MALRD1: variants seen among roughly 807,000 people sequenced by gnomAD.
MALRD1 encodes MAM and LDL-receptor class A domain-containing protein 1.
Under a neutral mutation model 242.1 loss-of-function variants are expected in MALRD1, and 247 were observed. The observed-to-expected ratio is 1.02, with a 90% CI of 0.92 to 1.13. The LOEUF (loss-of-function observed/expected upper bound fraction) is 1.13, where lower values mean the gene tolerates loss of function less well. MALRD1 is among the 50% of genes most tolerant of loss of function. The probability of loss-of-function intolerance (pLI) is 0.00; values close to 1 mark genes in which losing one functional copy is unlikely to be tolerated. For synonymous variants in MALRD1, 995 were observed against 866.6 expected, an observed-to-expected ratio of 1.15 and a Z score of -2.60; for missense variants, 2,989 against 2,533.1, an observed-to-expected ratio of 1.18 and a Z score of -3.86.
In MALRD1 at chr10:19,171,612, A is replaced by ATGTC. The variant is rs1491266914; in HGVS notation, c.1831-3595_1831-3594insGTCT. On this transcript the variant is annotated intron_variant, in intron 13 of 39. Coordinates refer to ENST00000454679, the MANE Select transcript of MALRD1 (RefSeq NM_001142308.3). The stretch of plus-strand genomic sequence containing the variant: ...TGTGTGTATATAAATACACACACAC[A>ATGTC]TATATGTCTATGTGTGTATATAAAT... 9.9e-3 allele frequency among the ~76,000 whole-genome samples: 373 copies of ATGTC among 37,726 alleles called. 31 individuals are homozygous for ATGTC. Among genetic ancestry groups the ATGTC allele is most frequent in the African/African-American group, 0.039 (344 of 8,728 alleles). The allele number at this position is 37,726 out of a possible 152,430, so 24.7% of individuals were successfully genotyped here.
intron 29 of MALRD1, among the ~76,000 whole-genome samples, chr10:19,466,360 C>A (rs1836218257): frequency 6.6e-6 from 1 of 151,706 alleles, no homozygotes; most frequent in Non-Finnish European, 1.5e-5. Flanking sequence ...TTGCTTTTGC[C>A]TTTGTCATTA....
intron 20 of MALRD1, among the ~76,000 whole-genome samples, chr10:19,281,212 C>T (rs190225044): frequency 8.1e-5 from 12 of 147,722 alleles, no homozygotes; most frequent in African/African-American, 3.2e-4. Flanking sequence ...TTAACTCAAG[C>T]TAGCCAGGGA....
At chr10:19,410,608 A>C (rs1168157761) in intron 28 of MALRD1, among the ~76,000 whole-genome samples, 1 of 151,834 alleles carries the variant, frequency 6.6e-6, no homozygotes, top group Non-Finnish European at 1.5e-5. Flanking sequence ...AGGTAGACAG[A>C]AGCTAGTGAA....
intron 21 of MALRD1, among the ~76,000 whole-genome samples, chr10:19,321,187 C>T (rs574728349): frequency 1.3e-5 from 2 of 152,058 alleles, no homozygotes; most frequent in Non-Finnish European, 2.9e-5. Context: ...TTAAGTCCTG[C>T]ACCTCTGTTC....
chr10:19,477,179 AG>A (rs1836777612), intron 29 of MALRD1, among the ~76,000 whole-genome samples: 1 of 152,186 alleles, frequency 6.6e-6, no homozygotes, highest in African/African-American at 2.4e-5. Flanking sequence ...ACCTCATAAA[AG>A]GAATATATTA....
intron 32 of MALRD1, among the ~76,000 whole-genome samples, chr10:19,547,318 T>C (rs1010958381): frequency 1.4e-4 from 22 of 152,096 alleles, no homozygotes; most frequent in African/African-American, 5.3e-4. Context: ...CAGTGATGTT[T>C]ATTACAAACC....
At chr10:19,251,664 G>T (rs1839296524) in intron 18 of MALRD1, among the ~76,000 whole-genome samples, 1 of 151,974 alleles carries the variant, frequency 6.6e-6, no homozygotes, top group Non-Finnish European at 1.5e-5. Flanking sequence ...GATTTGAACT[G>T]TGCAAGGAAT....
At chr10:19,252,857 T>A (rs1839355453) in intron 18 of MALRD1, among the ~76,000 whole-genome samples, 1 of 152,026 alleles carries the variant, frequency 6.6e-6, no homozygotes, top group Non-Finnish European at 1.5e-5. Flanking sequence ...GAGTTTTATT[T>A]CATAGAGATT....
chr10:19,073,771 A>G (rs770629332), intron 2 of MALRD1, among the ~76,000 whole-genome samples: 1 of 152,158 alleles, frequency 6.6e-6, no homozygotes, highest in Non-Finnish European at 1.5e-5. Flanking sequence ...GTTACAGGCT[A>G]TATATCAAGG....
In MALRD1 at chr10:19,693,143, C is replaced by T. The variant is rs189056310; in HGVS notation, c.6314+589C>T. 1.1e-4 allele frequency among the ~76,000 whole-genome samples: 17 copies of T among 151,930 alleles called. No homozygotes were observed. In the East Asian group the frequency reaches 2.9e-3, roughly 26 times the overall value. On this transcript the variant is annotated intron_variant, in intron 38 of 39. Transcript: ENST00000454679. ...ATACTGAATGGGCAAAAGCTGGAAG[C>T]ATTCCCTTTGAAAACTGGCACAGGA...
intron 31 of MALRD1, among the ~76,000 whole-genome samples, chr10:19,522,404 A>G (rs751853342): frequency 5.3e-5 from 8 of 152,140 alleles, no homozygotes; most frequent in Non-Finnish European, 8.8e-5. Context: ...GACTAGGACT[A>G]AGATTGTATT....
At chr10:19,506,377 CT>C (rs1564398692) in intron 31 of MALRD1, among the ~76,000 whole-genome samples, 1 of 152,126 alleles carries the variant, frequency 6.6e-6, no homozygotes, top group Non-Finnish European at 1.5e-5. Flanking sequence ...TCTCATTGCT[CT>C]TTAGAGAACT....
In MALRD1 at chr10:19,236,258, A is replaced by G. The variant is rs553727294; in HGVS notation, c.2992-21426A>G. Among the ~76,000 whole-genome samples the G allele has an allele frequency of 2.0e-5, 3 of 152,246 alleles. No individual in the cohort carries two copies. In the East Asian group the frequency reaches 5.8e-4, roughly 29 times the overall value. On this transcript the variant is annotated intron_variant, in intron 18 of 39. Coordinates refer to ENST00000454679, the MANE Select transcript of MALRD1 (RefSeq NM_001142308.3). ...ATCAGTTCTGCACAGGCTTTGACCC[A>G]GGCTTTGACTAGTTGGTGCAGGTGT...
chr10:19,262,739 G>A (rs1180802051), intron 19 of MALRD1, among the ~76,000 whole-genome samples: 1 of 150,608 alleles, frequency 6.6e-6, no homozygotes, highest in Non-Finnish European at 1.5e-5. Context: ...ATAGTCAACA[G>A]AACTTATTCT....
At chr10:19,433,211 G>A (rs192232962) in intron 28 of MALRD1, among the ~76,000 whole-genome samples, 9 of 152,302 alleles carry the variant, frequency 5.9e-5, no homozygotes, top group Middle Eastern at 3.4e-3. Context: ...TATCCTGCTC[G>A]CAGAGTGTAT....
chr10:19,128,864 C>T (rs1410501026), intron 8 of MALRD1, among the ~76,000 whole-genome samples: 1 of 152,086 alleles, frequency 6.6e-6, no homozygotes, highest in Non-Finnish European at 1.5e-5. Flanking sequence ...CATTCTTCTT[C>T]TCTCTCTCCT....
At chr10:19,668,453 T>C (rs1158982435) in intron 36 of MALRD1, among the ~76,000 whole-genome samples, 1 of 152,178 alleles carries the variant, frequency 6.6e-6, no homozygotes, top group Non-Finnish European at 1.5e-5. Context: ...GATCATTTTT[T>C]CAGGGCTTTA....
intron 28 of MALRD1, among the ~76,000 whole-genome samples, chr10:19,413,577 T>A (rs1455015555): frequency 6.6e-6 from 1 of 152,036 alleles, no homozygotes; most frequent in Non-Finnish European, 1.5e-5. Flanking sequence ...AAAAAAGGAT[T>A]TTAGGACAAT....
At chr10:19,491,987 T>C (rs3904898) in intron 30 of MALRD1, among the ~76,000 whole-genome samples, 92,260 of 150,566 alleles carry the variant, frequency 0.61, 29,072 homozygotes, top group African/African-American at 0.77. Context: ...CTTTATTGGT[T>C]GTTTTTTTTT....
Sources: gnomAD v4.1 joint callset for allele counts (sites outside exome capture counted in the v4.1 genomes callset) on GRCh38, gnomAD v4.1.1 for gene constraint, MANE v1.5 for transcripts, NCBI Gene and HGNC (gene_info 2026-07-23, HGNC 2026-07-21) for gene names.